The following FAAP100 variants were observed in gnomAD, a reference collection of about 807,000 sequenced individuals.
The protein encoded by FAAP100 is FA core complex associated protein 100, also known as Fanconi anemia core complex-associated protein 100.
A neutral mutation model predicts 65.8 loss-of-function variants in FAAP100; 46 were observed. The ratio of observed to expected loss-of-function variants is 0.70; its 90% CI spans 0.55 to 0.89. FAAP100 has a LOEUF of 0.89. FAAP100 is among the 40% of genes least tolerant of loss of function. The pLI is 0.00. For synonymous variants in FAAP100, 663 were observed against 555.1 expected (o/e 1.19, Z -2.73); for missense variants, 1,165 against 1,196.7 (o/e 0.97, Z 0.39).
Position 81,545,755 on chromosome 17 carries a change from G to T in FAAP100, c.2301C>A (p.Ile767=), listed in dbSNP as rs867227331. ...CTGAACCCCTGCTTGCCTCTCGGAC[G>T]ATGAGGTGAACGTTGGCGCCATCAG... ...VAPDGANVHL[I]VREVAMTDLC... is the part of the protein sequence containing the mutation. Residue 767 remains isoleucine, a synonymous_variant, in exon 6 of 9, where the codon ATC becomes ATA. Coordinates refer to ENST00000327787, the MANE Select transcript of FAAP100 (RefSeq NM_025161.6). 4 of 1,611,368 alleles carry T rather than the reference G, an allele frequency of 2.5e-6. No homozygotes were observed. Among genetic ancestry groups the T allele is most frequent in the African/African-American group, 2.7e-5 (2 of 74,900 alleles).
At chr17:81,547,713 G>C in intron 4 of FAAP100, 35 bp from the exon 5 acceptor site, 1 of 1,600,488 alleles carries the variant, frequency 6.2e-7, no homozygotes, top group Non-Finnish European at 8.5e-7. Context: ...GGGAGCGGGG[G>C]GACACCCACA....
chr17:81,548,034 C>A lies in FAAP100; in HGVS notation c.1404-356G>T, dbSNP rs2033372905. ...GCAGGGGCCGGGTGGTGCATTACCC[C>A]ACCCTTGGCTCCCCAGAATGTTCCT... On this transcript the variant is annotated intron_variant, in intron 4 of 8. Transcript: ENST00000327787. 4.4e-6 allele frequency: 3 copies of A among 688,340 alleles called. No homozygotes were observed. In the South Asian group the frequency reaches 4.5e-5, roughly 10 times the overall value. The allele number at this position is 688,340 out of a possible 1,614,324, so 42.6% of individuals were successfully genotyped here.
intron 7 of FAAP100, among the ~76,000 whole-genome samples, chr17:81,542,184 A>T (rs2033124858): frequency 7.2e-5 from 2 of 27,634 alleles, no homozygotes; most frequent in East Asian, 1.5e-3. Flanking sequence ...AAAAAAAAAA[A>T]AAAAAAAAAA....
Position 81,549,355 on chromosome 17 carries a change from G to T in FAAP100, c.1254C>A (p.Thr418=). 2 of 1,606,046 alleles carry T rather than the reference G, an allele frequency of 1.2e-6. No homozygotes were observed. The highest frequency in any genetic ancestry group is 1.1e-5 in the South Asian group (1 of 90,974). The change falls in exon 4 of 9, where the codon ACC becomes ACA. Residue 418 remains threonine (T), a synonymous_variant. Coordinates refer to ENST00000327787, the MANE Select transcript of FAAP100 (RefSeq NM_025161.6). The part of the protein sequence containing the change: ...SASPRTHEGG[T]KLLALSAKGR... ...CTTTGGCGGACAGGGCCAGGAGCTT[G>T]GTGCCACCTGGTGACAGACACACAT... is the stretch of plus-strand genomic sequence containing the variant.
At position 81,549,375 on chromosome 17, in the gene FAAP100, A is replaced by C. The variant is rs981026121; in HGVS notation, c.1247-13T>G. 1 of 1,600,278 alleles carries C rather than the reference A, an allele frequency of 6.2e-7. No individual in the cohort carries two copies. Among genetic ancestry groups the C allele is most frequent in the Non-Finnish European group, 8.5e-7 (1 of 1,173,280 alleles). On this transcript the variant is annotated splice_polypyrimidine_tract_variant and intron_variant, in intron 3 of 8. Transcript: ENST00000327787. ...AGCTTGGTGCCACCTGGTGACAGAC[A>C]CACATGGGGCCTGGTCAGCGGCTGG...
In FAAP100 at chr17:81,540,230, G is replaced by A; in HGVS notation, c.*589C>T. On this transcript the variant is annotated 3_prime_UTR_variant, in exon 9 of 9. Transcript: ENST00000327787. ...GGCACGAGACCACGGGCACTTGCAGGAGCTCCCTGCATGCTGTTTTGTGCT... is the reference window on the plus strand; with the variant it reads ...GGCACGAGACCACGGGCACTTGCAGAAGCTCCCTGCATGCTGTTTTGTGCT... 1 of 398,944 alleles carries A rather than the reference G, an allele frequency of 2.5e-6. No individual in the cohort carries two copies. The highest frequency in any genetic ancestry group is 4.4e-5 in the Admixed American group (1 of 22,758). The allele number at this position is 398,944 out of a possible 1,614,324, so 24.7% of individuals were successfully genotyped here. A position where few individuals can be genotyped will look rare whatever the true frequency, so the allele number is the denominator to read the frequency against.
Position 81,549,499 on chromosome 17 carries a change from C to T in FAAP100, c.1247-137G>A. 2.6e-6 allele frequency: 3 copies of T among 1,166,234 alleles called. No individual in the cohort carries two copies. The South Asian group carries it at 4.7e-5, about 18-fold the overall frequency. The allele number at this position is 1,166,234 out of a possible 1,614,324, so 72.2% of individuals were successfully genotyped here. On this transcript the variant is annotated intron_variant, in intron 3 of 8. Coordinates refer to ENST00000327787, the MANE Select transcript of FAAP100 (RefSeq NM_025161.6). ...AGTGTCCAGTGAGGAAGAGAAAGTCCCAAGGCAAATGCACTGTCCCGACCC... is the reference window on the plus strand; with the variant it reads ...AGTGTCCAGTGAGGAAGAGAAAGTCTCAAGGCAAATGCACTGTCCCGACCC...
intron 6 of FAAP100, 142 bp from the exon 7 acceptor site, chr17:81,544,262 C>CTGT: frequency 1.6e-6 from 1 of 643,792 alleles, no homozygotes; most frequent in Non-Finnish European, 2.7e-6. Context: ...TGTCCTATAC[C>CTGT]CTGAAGGAGC....
At chr17:81,545,918 TC>T (rs140093334) in intron 5 of FAAP100, 36 bp from the exon 6 acceptor site, 175,587 of 1,587,512 alleles carry the variant, frequency 0.11, 10,616 homozygotes, top group African/African-American at 0.2. Flanking sequence ...CTCAGCCTGA[TC>T]CTACCAGGTG....
In FAAP100 at chr17:81,544,015, C is replaced by A; in HGVS notation, c.2416G>T (p.Gly806Trp). 5.0e-6 allele frequency: 8 copies of A among 1,612,104 alleles called. No individual in the cohort carries two copies. The highest frequency in any genetic ancestry group is 6.8e-6 in the Non-Finnish European group (8 of 1,179,522). Reference sequence around the variant, plus strand: ...GCGGGCCGACATACCTGCATGCGCCCGACAACGGCATGGTGCGCCCTGCAA... The same window carrying A: ...GCGGGCCGACATACCTGCATGCGCCAGACAACGGCATGGTGCGCCCTGCAA... ...DICRAHHAVVGRMQTMVTEQA... is the reference protein window; with the variant it reads ...DICRAHHAVVWRMQTMVTEQA... Residue 806 changes from glycine to tryptophan, a missense_variant, in exon 7 of 9, where the codon GGG (glycine) becomes TGG (tryptophan). Coordinates refer to ENST00000327787, the MANE Select transcript of FAAP100 (RefSeq NM_025161.6).
Position 81,540,910 on chromosome 17 carries a change from C to A in FAAP100, c.2555G>T (p.Cys852Phe). The change falls in exon 9 of 9, where the codon TGC (cysteine) becomes TTC (phenylalanine). Residue 852 changes from cysteine to phenylalanine, a missense_variant. Coordinates refer to ENST00000327787, the MANE Select transcript of FAAP100 (RefSeq NM_025161.6). ...ACAGGAGCTGGCCTCATCCTCCGTGCAGAGCCGGTCGCGCAGGGTCTGCAC... is the reference window on the plus strand; with the variant it reads ...ACAGGAGCTGGCCTCATCCTCCGTGAAGAGCCGGTCGCGCAGGGTCTGCAC... ...REVQTLRDRL[C>F]TEDEASSCAT... 6.3e-7 allele frequency: 1 copy of A among 1,591,496 alleles called. No homozygotes were observed.
At chr17:81,545,903 G>C in intron 5 of FAAP100, 21 bp from the exon 6 acceptor site, 1 of 1,596,802 alleles carries the variant, frequency 6.3e-7, no homozygotes. Context: ...GGCATCAGCC[G>C]AGAGCTCAGC....
chr17:81,540,117 G>A lies in FAAP100; in HGVS notation c.*702C>T, dbSNP rs1345309697. On this transcript the variant is annotated 3_prime_UTR_variant, in exon 9 of 9. Coordinates refer to ENST00000327787, the MANE Select transcript of FAAP100 (RefSeq NM_025161.6). ...GCCACCCTGAGTGGCCCTGAAAATA[G>A]TGCACAGTGCTGGGTACTGCCCCGG... The A allele has an allele frequency of 1.0e-5, 4 of 398,472 alleles. No individual in the cohort carries two copies. The highest frequency in any genetic ancestry group is 1.8e-5 in the Non-Finnish European group (4 of 225,940). The allele number at this position is 398,472 out of a possible 1,614,324, so 24.7% of individuals were successfully genotyped here.
Position 81,542,461 on chromosome 17 carries a change from G to A in FAAP100, c.2428-1066C>T, listed in dbSNP as rs79929928. ...TGCAGGCTCTTGGAGCAAAGCAACT[G>A]TGAAGAGACGACACCCTGAGGGGCA... is the stretch of plus-strand genomic sequence containing the variant. On this transcript the variant is annotated intron_variant, in intron 7 of 8. Transcript: ENST00000327787. Among the ~76,000 whole-genome samples, 17 of 152,270 alleles carry A rather than the reference G, an allele frequency of 1.1e-4. No individual in the cohort carries two copies. In the East Asian group the frequency reaches 2.5e-3, roughly 22 times the overall value.
chr17:81,541,757 A>G (rs1450222013), intron 7 of FAAP100, among the ~76,000 whole-genome samples: 3 of 152,092 alleles, frequency 2.0e-5, no homozygotes, highest in Admixed American at 2.0e-4. Context: ...TCAGGAGAAC[A>G]GACCAGCCAG....
Position 81,551,913 on chromosome 17 carries a change from C to T in FAAP100, c.290+15G>A. ...GCAGGAGTGTGCGGGAGGGAGGCCG[C>T]GGGCCCGCCCTCACCTGCTCCTGCC... On this transcript the variant is annotated intron_variant, in intron 2 of 8. Coordinates refer to ENST00000327787, the MANE Select transcript of FAAP100 (RefSeq NM_025161.6). The T allele has an allele frequency of 1.3e-6, 2 of 1,536,854 alleles. No homozygotes were observed. Among genetic ancestry groups the T allele is most frequent in the Non-Finnish European group, 1.7e-6 (2 of 1,151,050 alleles).
In FAAP100 at chr17:81,540,648, G is replaced by A. The variant is rs537884614; in HGVS notation, c.*171C>T. Reference sequence around the variant, plus strand: ...TGCTCCCAATCAGAATCTGCTTTGTGCTCCACGGCCTCCAAGCACTTTCAT... The same window carrying A: ...TGCTCCCAATCAGAATCTGCTTTGTACTCCACGGCCTCCAAGCACTTTCAT... On this transcript the variant is annotated 3_prime_UTR_variant, in exon 9 of 9. Coordinates refer to ENST00000327787, the MANE Select transcript of FAAP100 (RefSeq NM_025161.6). 3.3e-6 allele frequency: 3 copies of A among 906,808 alleles called. No homozygotes were observed. In the African/African-American group the frequency reaches 5.1e-5, roughly 15 times the overall value. 56.2% of individuals were successfully genotyped at this position (906,808 alleles called of 1,614,324 possible). A position where few individuals can be genotyped will look rare whatever the true frequency, so the allele number is the denominator to read the frequency against.
chr17:81,550,261 GGGA>G lies in FAAP100; in HGVS notation c.1230_1232del (p.Pro411del), dbSNP rs1568098791. 3 of 1,604,444 alleles carry G rather than the reference GGGA, an allele frequency of 1.9e-6. No homozygotes were observed. Among genetic ancestry groups the G allele is most frequent in the Non-Finnish European group, 2.6e-6 (3 of 1,174,578 alleles). ...AGCAGCTCATACCTTCATGCGTCCT[GGGA>G]GACGCGGACAGCGAGACGACACTGC... On this transcript the variant is annotated inframe_deletion, in exon 3 of 9. Coordinates refer to ENST00000327787, the MANE Select transcript of FAAP100 (RefSeq NM_025161.6).
intron 7 of FAAP100, among the ~76,000 whole-genome samples, chr17:81,543,343 G>C (rs966505927): frequency 1.3e-5 from 2 of 152,218 alleles, no homozygotes; most frequent in African/African-American, 4.8e-5. Flanking sequence ...CTCCGGAACC[G>C]GTTTCTAGGG....
Sources: allele counts gnomAD v4.1 joint callset (sites outside exome capture counted in the v4.1 genomes callset), GRCh38; gene constraint gnomAD v4.1.1; transcripts MANE v1.5; gene names NCBI Gene and HGNC (gene_info 2026-07-23, HGNC 2026-07-21).